Variants in ZSCAN25 observed in about 807,000 individuals in gnomAD.
ZSCAN25 encodes the protein zinc finger and SCAN domain-containing protein 25.
Under a neutral mutation model 38.7 loss-of-function variants are expected in ZSCAN25, and 27 were observed. That is an observed-to-expected ratio of 0.70 (90% CI 0.51 to 0.96). The LOEUF is 0.96. Among genes scored for constraint, ZSCAN25 ranks in the 40% least tolerant of loss-of-function variants. ZSCAN25 has a pLI of 0.00. For synonymous variants in ZSCAN25, 273 were observed against 277.7 expected (o/e 0.98, Z 0.17); for missense variants, 637 against 705.9 (o/e 0.90, Z 1.11).
the ZSCAN25 span, among the ~76,000 whole-genome samples, chr7:99,653,815 GT>G: frequency 4.6e-5 from 7 of 152,222 alleles, no homozygotes; most frequent in African/African-American, 1.7e-4. This position sits in a 1 kb window ranked among gnomAD's most constrained non-coding sequence, Gnocchi z 4.2. Flanking sequence ...AGCACTTGGT[GT>G]TATATTTGGG....
the ZSCAN25 span, chr7:99,665,354 C>G: frequency 6.2e-7 from 1 of 1,611,590 alleles, no homozygotes; most frequent in South Asian, 1.1e-5. Context: ...ATCAGCACCT[C>G]TTACCGTCCT....
the ZSCAN25 span, chr7:99,672,924 C>A: frequency 1.5e-6 from 2 of 1,291,552 alleles, no homozygotes; most frequent in Non-Finnish European, 2.0e-6. Flanking sequence ...TATTGAAAGA[C>A]AAAAGAGCTC....
chr7:99,715,131 C>T, the ZSCAN25 span, among the ~76,000 whole-genome samples: 2 of 152,034 alleles, frequency 1.3e-5, no homozygotes, highest in Non-Finnish European at 2.9e-5. Flanking sequence ...CTCACACATA[C>T]GTGGAAGTTA....
At chr7:99,685,155 G>A in the ZSCAN25 span, 27 of 1,605,414 alleles carry the variant, frequency 1.7e-5, no homozygotes, top group African/African-American at 8.0e-5. Context: ...TTCCACTTAC[G>A]GTCCCATCCC....
At chr7:99,638,744 T>A in the ZSCAN25 span, 1 of 1,160,720 alleles carries the variant, frequency 8.6e-7, no homozygotes. Context: ...TTCCCGAAGA[T>A]TTTGCATAGC....
At chr7:99,678,002 A>T in the ZSCAN25 span, among the ~76,000 whole-genome samples, 2 of 152,210 alleles carry the variant, frequency 1.3e-5, no homozygotes, top group African/African-American at 2.4e-5. Context: ...TGGTAGAGTA[A>T]TGCAGCCTTT....
At chr7:99,669,669 T>C in the ZSCAN25 span, among the ~76,000 whole-genome samples, 1 of 152,218 alleles carries the variant, frequency 6.6e-6, no homozygotes, top group Non-Finnish European at 1.5e-5. Context: ...ACACTACAGA[T>C]ACGGCACAAC....
At chr7:99,676,175 T>A in the ZSCAN25 span, 1 of 1,613,760 alleles carries the variant, frequency 6.2e-7, no homozygotes, top group Non-Finnish European at 8.5e-7. Context: ...GAATTCCCAG[T>A]CTCTTAAAAA....
rs762299853 is a variant in ZSCAN25, at chr7:99,629,192, C to T, written c.807C>T (p.Gly269=). The change falls in exon 8 of 8, where the codon GGC becomes GGT. Residue 269 remains glycine, a splice_region_variant and synonymous_variant. Transcript: ENST00000394152. This position sits in a 1 kb window ranked among gnomAD's most constrained non-coding sequence, Gnocchi z 5.6. ...VEPQDCRVSP[G]GGSKEKEAKP... The stretch of plus-strand genomic sequence containing the variant: ...TCTTTATCTCCTCCTGTCCTGTAGG[C>T]GGTGGGAGCAAGGAAAAGGAGGCAA... 75 of 1,605,940 alleles carry T rather than the reference C, an allele frequency of 4.7e-5. 1 individual carries two copies. The highest frequency in any genetic ancestry group is 6.0e-5 in the Non-Finnish European group (71 of 1,176,052).
intron 6 of ZSCAN25, 50 bp downstream of exon 6, chr7:99,622,690 G>T (rs1367502831): frequency 6.4e-7 from 1 of 1,558,440 alleles, no homozygotes; most frequent in African/African-American, 1.4e-5. Context: ...TTTGATTGAG[G>T]TTCACCTTCC....
At chr7:99,644,913 C>CAA in the ZSCAN25 span, among the ~76,000 whole-genome samples, 28 of 152,100 alleles carry the variant, frequency 1.8e-4, no homozygotes, top group Non-Finnish European at 4.4e-5. Flanking sequence ...ACTCCTGATG[C>CAA]AAGTGCCTGG....
At chr7:99,730,722 TACTA>T in the ZSCAN25 span, 7 of 278,120 alleles carry the variant, frequency 2.5e-5, no homozygotes, top group African/African-American at 6.5e-5. Flanking sequence ...CTACTTTTAA[TACTA>T]ACTAAGTATG....
At chr7:99,646,631 C>T in the ZSCAN25 span, among the ~76,000 whole-genome samples, 1 of 152,156 alleles carries the variant, frequency 6.6e-6, no homozygotes, top group African/African-American at 2.4e-5. Context: ...TCATCTTGAA[C>T]ATTTTTAGTC....
intron 7 of ZSCAN25, among the ~76,000 whole-genome samples, chr7:99,625,375 G>C (rs977471819): frequency 6.6e-6 from 1 of 152,186 alleles, no homozygotes; most frequent in African/African-American, 2.4e-5. Flanking sequence ...GGCCATTGCT[G>C]TTCTGGTCAC....
the ZSCAN25 span, chr7:99,695,935 A>G: frequency 1.0e-6 from 1 of 1,003,564 alleles, no homozygotes; most frequent in Non-Finnish European, 1.5e-6. Context: ...TGCTCAAGAG[A>G]AGGAGGTAAC....
the ZSCAN25 span, among the ~76,000 whole-genome samples, chr7:99,658,189 C>T: frequency 1.3e-5 from 2 of 152,152 alleles, no homozygotes; most frequent in Admixed American, 1.3e-4. Context: ...ATGGTCTTTA[C>T]AATTTGGCAT....
In ZSCAN25 at chr7:99,619,744, G is replaced by A. The variant is rs1263775275; in HGVS notation, c.138G>A (p.Arg46=). The A allele has an allele frequency of 6.2e-7, 1 of 1,614,126 alleles. No homozygotes were observed. The highest frequency in any genetic ancestry group is 8.5e-7 in the Non-Finnish European group (1 of 1,180,048). ...PSPETFRLRF[R]QFRYQEAAGP... ...CAGAGACTTTTCGGCTGAGGTTTCG[G>A]CAGTTCCGCTACCAGGAGGCAGCTG... Residue 46 remains arginine, a synonymous_variant, in exon 4 of 8, where the codon CGG becomes CGA. Transcript: ENST00000394152.
chr7:99,666,771 C>G, the ZSCAN25 span: 1 of 1,605,540 alleles, frequency 6.2e-7, no homozygotes, highest in Middle Eastern at 1.7e-4. Context: ...CAGCATGGAG[C>G]AGTAAGTGAC....
At chr7:99,628,858 G>T (rs1430186864) in intron 7 of ZSCAN25, among the ~76,000 whole-genome samples, 1 of 152,208 alleles carries the variant, frequency 6.6e-6, no homozygotes, top group African/African-American at 2.4e-5. Flanking sequence ...ATAATAAAGT[G>T]CTAGTTAGGT....
Sources: allele counts gnomAD v4.1 joint callset (sites outside exome capture counted in the v4.1 genomes callset), GRCh38; gene constraint gnomAD v4.1.1; non-coding constraint Gnocchi (gnomAD v3.1); transcripts MANE v1.5; gene names NCBI Gene and HGNC (gene_info 2026-07-23, HGNC 2026-07-21).